The following PTGR1 variants were observed in gnomAD, a reference collection of about 807,000 sequenced individuals.
The protein encoded by PTGR1 is prostaglandin reductase 1, also known as 15-oxoprostaglandin 13-reductase.
A neutral mutation model predicts 37.7 loss-of-function variants in PTGR1; 23 were observed. That is an observed-to-expected ratio of 0.61 (90% CI 0.44 to 0.86). The LOEUF (loss-of-function observed/expected upper bound fraction) is 0.86. Among genes scored for constraint, PTGR1 ranks in the 40% least tolerant of loss-of-function variants. PTGR1 has a pLI of 0.00. For synonymous variants in PTGR1, 134 were observed against 140.0 expected (o/e 0.96, Z 0.30); for missense variants, 351 against 394.3 (o/e 0.89, Z 0.93).
At chr9:111,559,406 A>G (rs903892183), downstream of PTGR1, among the ~76,000 whole-genome samples, 2 of 151,668 alleles carry the variant, frequency 1.3e-5, no homozygotes, top group South Asian at 2.1e-4. Flanking sequence ...GACACCCTCA[A>G]TCAGGCCCTG....
intron 9 of PTGR1, among the ~76,000 whole-genome samples, chr9:111,552,874 CGTTTTCA>C (rs1324234457): frequency 6.6e-6 from 1 of 151,996 alleles, no homozygotes; most frequent in East Asian, 1.9e-4. Context: ...GTTTCATTGA[CGTTTTCA>C]GTTTTCATGA....
intron 6 of PTGR1, 78 bp from the exon 7 acceptor site, chr9:111,579,029 T>G: frequency 1.4e-6 from 2 of 1,397,288 alleles, no homozygotes; most frequent in Non-Finnish European, 1.9e-6. Flanking sequence ...TGGTCTCGTA[T>G]GCCTAGGTTC....
At chr9:111,566,989 T>C (rs1262797745) in intron 9 of PTGR1, among the ~76,000 whole-genome samples, 4 of 151,156 alleles carry the variant, frequency 2.6e-5, no homozygotes, top group African/African-American at 7.3e-5. Flanking sequence ...CTCAGGAGGT[T>C]GAGGTGGGAG....
rs35670507 is a variant in PTGR1, at chr9:111,576,167, C to CA, written c.652-1326dup. On this transcript the variant is annotated intron_variant, in intron 7 of 9. Coordinates refer to ENST00000407693, the MANE Select transcript of PTGR1 (RefSeq NM_001146108.2). ...GAGTGAGACTGGTGAGACTGAGTCT[C>CA]AAAAAAAAAAAAGGGCAAAAACAAA... is the stretch of plus-strand genomic sequence containing the variant. 2.0e-3 allele frequency among the ~76,000 whole-genome samples: 220 copies of CA among 109,962 alleles called. 1 individual carries two copies. The highest frequency in any genetic ancestry group is 2.7e-3 in the Non-Finnish European group (140 of 52,750). 72.1% of individuals were successfully genotyped at this position (109,962 alleles called of 152,430 possible).
intron 1 of PTGR1, among the ~76,000 whole-genome samples, chr9:111,597,912 A>G (rs933348549): frequency 1.3e-5 from 2 of 152,156 alleles, no homozygotes; most frequent in Non-Finnish European, 2.9e-5. Context: ...TTTCAGATGG[A>G]AACAGCCACG....
intron 4 of PTGR1, 126 bp from the exon 5 acceptor site, chr9:111,586,291 C>T (rs1829426764): frequency 6.9e-6 from 6 of 873,524 alleles, no homozygotes; most frequent in Non-Finnish European, 1.1e-5. Context: ...ACTGATAGTC[C>T]ACCACCCCTC....
rs190373160 is a variant in PTGR1, at chr9:111,574,480, C to A, written c.760+254G>T. On this transcript the variant is annotated intron_variant, in intron 8 of 9. Transcript: ENST00000407693. ...CCTCCCACTTCAGCCTCTTGAGTAG[C>A]TGGGACTACAGGTGTACACCACCAC... The A allele has an allele frequency of 4.9e-5, 10 of 203,784 alleles. No individual in the cohort carries two copies. The East Asian group carries it at 1.1e-3, about 23-fold the overall frequency. The allele number at this position is 203,784 out of a possible 1,614,324, so 12.6% of individuals were successfully genotyped here.
chr9:111,561,706 A>T (rs539801160), downstream of PTGR1, among the ~76,000 whole-genome samples: 1 of 152,202 alleles, frequency 6.6e-6, no homozygotes, highest in Non-Finnish European at 1.5e-5. Context: ...TCATCTGTAG[A>T]GGACCAGTAT....
intron 8 of PTGR1, 152 bp from the exon 9 acceptor site, chr9:111,570,361 T>A (rs984468655): frequency 1.9e-5 from 25 of 1,326,416 alleles, no homozygotes; most frequent in Non-Finnish European, 2.3e-5. Context: ...TCCACGGGAC[T>A]GCTGGCCAAT....
At chr9:111,561,732 C>T (rs1828328977), downstream of PTGR1, among the ~76,000 whole-genome samples, 1 of 152,182 alleles carries the variant, frequency 6.6e-6, no homozygotes, top group Non-Finnish European at 1.5e-5. Flanking sequence ...GGCCCTAAGA[C>T]CCCTATATGC....
intron 9 of PTGR1, among the ~76,000 whole-genome samples, chr9:111,566,860 G>A (rs1399450676): frequency 6.6e-6 from 1 of 152,088 alleles, no homozygotes. Flanking sequence ...GTTAAAAGAT[G>A]ATTAATTGCT....
chr9:111,578,381 A>G (rs1227583437), intron 7 of PTGR1, among the ~76,000 whole-genome samples: 1 of 151,788 alleles, frequency 6.6e-6, no homozygotes, highest in Non-Finnish European at 1.5e-5. Context: ...ATAACCATAG[A>G]ATCAGTGGGT....
chr9:111,586,860 G>A (rs1039995669), intron 4 of PTGR1, among the ~76,000 whole-genome samples: 18 of 145,500 alleles, frequency 1.2e-4, no homozygotes, highest in African/African-American at 3.6e-4. Flanking sequence ...TGCTCTTGTC[G>A]CCCAGGCTGG....
At chr9:111,572,857 A>G (rs1234253823) in intron 8 of PTGR1, among the ~76,000 whole-genome samples, 1 of 152,130 alleles carries the variant, frequency 6.6e-6, no homozygotes, top group Non-Finnish European at 1.5e-5. Flanking sequence ...ACCAATAAAC[A>G]AAAAAGCAAA....
intron 4 of PTGR1, among the ~76,000 whole-genome samples, chr9:111,587,704 C>CAG (rs1829480970): frequency 2.0e-5 from 3 of 152,334 alleles, no homozygotes; most frequent in South Asian, 2.1e-4. Context: ...TCTGCCTCAG[C>CAG]CTCCCAAAGT....
chr9:111,569,023 T>C (rs1416716963), intron 9 of PTGR1, among the ~76,000 whole-genome samples: 1 of 152,218 alleles, frequency 6.6e-6, no homozygotes, highest in Non-Finnish European at 1.5e-5. Flanking sequence ...AAGTATAGAA[T>C]TGTTATAACT....
chr9:111,584,455 T>G (rs1205685251), intron 5 of PTGR1, among the ~76,000 whole-genome samples: 1 of 152,256 alleles, frequency 6.6e-6, no homozygotes, highest in Non-Finnish European at 1.5e-5. Flanking sequence ...TTAAGCATCC[T>G]CTACTTTCAC....
chr9:111,587,467 T>G (rs1829471487), intron 4 of PTGR1, among the ~76,000 whole-genome samples: 1 of 152,210 alleles, frequency 6.6e-6, no homozygotes, highest in African/African-American at 2.4e-5. Flanking sequence ...ATTTATTTAT[T>G]TTTTGAAACA....
At chr9:111,555,645 A>G (rs139096846) in intron 9 of PTGR1, among the ~76,000 whole-genome samples, 2,060 of 152,258 alleles carry the variant, frequency 0.014, 55 homozygotes, top group African/African-American at 0.047. Context: ...GGAAGCAAGC[A>G]CATCTTCACA....
Sources: gnomAD v4.1 joint callset for allele counts (sites outside exome capture counted in the v4.1 genomes callset) on GRCh38, gnomAD v4.1.1 for gene constraint, MANE v1.5 for transcripts, NCBI Gene and HGNC (gene_info 2026-07-23, HGNC 2026-07-21) for gene names.